Variants in PKNOX2 observed in about 807,000 individuals in gnomAD.
The protein encoded by PKNOX2 is homeobox protein PKNOX2.
A neutral mutation model predicts 53.1 loss-of-function variants in PKNOX2; 14 were observed. The observed-to-expected ratio is 0.26, with a 90% CI of 0.17 to 0.41. The LOEUF is 0.41. PKNOX2 is among the 10% of genes least tolerant of loss of function. PKNOX2 has a pLI of 1.00. For missense variants in PKNOX2, 496 were observed against 602.8 expected (o/e 0.82, Z 1.85); for synonymous variants, 257 against 242.8 (o/e 1.06, Z -0.54).
At chr11:125,257,002 G>T (rs1409197150) in intron 2 of PKNOX2, among the ~76,000 whole-genome samples, 1 of 142,544 alleles carries the variant, frequency 7.0e-6, no homozygotes, top group African/African-American at 2.4e-5. Flanking sequence ...GCTAATCTGT[G>T]TAGGGTTTTT....
intron 3 of PKNOX2, among the ~76,000 whole-genome samples, chr11:125,349,837 TCACA>T (rs60332384): frequency 0.016 from 2,251 of 138,080 alleles, 32 homozygotes; most frequent in Middle Eastern, 0.036. Context: ...ACCAAAAGAA[TCACA>T]CACACACACA....
At chr11:125,364,519 C>T (rs190866639) in intron 4 of PKNOX2, among the ~76,000 whole-genome samples, 1 of 152,292 alleles carries the variant, frequency 6.6e-6, no homozygotes, top group Non-Finnish European at 1.5e-5. Context: ...CCTCTTCATC[C>T]CAAGAGCTCA....
intron 5 of PKNOX2, among the ~76,000 whole-genome samples, chr11:125,372,787 T>C (rs1952627281): frequency 6.6e-6 from 1 of 152,242 alleles, no homozygotes; most frequent in African/African-American, 2.4e-5. Flanking sequence ...AATCTTGCAC[T>C]TTCCACACCA....
chr11:125,353,316 C>T (rs921093519), intron 4 of PKNOX2, among the ~76,000 whole-genome samples: 12 of 152,354 alleles, frequency 7.9e-5, no homozygotes, highest in Admixed American at 3.9e-4. Context: ...TCCCTCTCAC[C>T]CACCCCTCCC....
intron 7 of PKNOX2, among the ~76,000 whole-genome samples, chr11:125,400,817 C>A (rs879541259): frequency 1.3e-5 from 2 of 152,198 alleles, no homozygotes; most frequent in Admixed American, 6.5e-5. Context: ...CTGTGTTCAT[C>A]TCATTTTCCT....
intron 2 of PKNOX2, among the ~76,000 whole-genome samples, chr11:125,308,544 TAC>T (rs1459455881): frequency 6.6e-6 from 1 of 152,194 alleles, no homozygotes; most frequent in Non-Finnish European, 1.5e-5. Flanking sequence ...CCAGATTTAT[TAC>T]ACCAGCAAAG....
chr11:125,399,126 G>T (rs1361383715), intron 7 of PKNOX2, among the ~76,000 whole-genome samples: 1 of 152,224 alleles, frequency 6.6e-6, no homozygotes, highest in Non-Finnish European at 1.5e-5. Context: ...GATACACTCG[G>T]TATCACATCC....
At chr11:125,369,423 T>C (rs1952399193) in intron 5 of PKNOX2, among the ~76,000 whole-genome samples, 1 of 152,216 alleles carries the variant, frequency 6.6e-6, no homozygotes, top group Non-Finnish European at 1.5e-5. Flanking sequence ...TGGACCTCCT[T>C]CCCTCTGCCC....
chr11:125,369,127 A>G (rs1952374030), intron 5 of PKNOX2, among the ~76,000 whole-genome samples: 2 of 152,212 alleles, frequency 1.3e-5, no homozygotes, highest in African/African-American at 4.8e-5. Context: ...TCTCATTCTC[A>G]TCGGCATTAT....
At chr11:125,344,022 A>T (rs901730128) in intron 3 of PKNOX2, among the ~76,000 whole-genome samples, 1 of 152,092 alleles carries the variant, frequency 6.6e-6, no homozygotes, top group African/African-American at 2.4e-5. Context: ...TCCATGGAGG[A>T]GGGAGCGGCT....
chr11:125,286,620 G>A (rs1946917238), intron 2 of PKNOX2, among the ~76,000 whole-genome samples: 1 of 152,224 alleles, frequency 6.6e-6, no homozygotes, highest in Non-Finnish European at 1.5e-5. Flanking sequence ...GCCAGGCCTG[G>A]TGTCGCCTGC....
intron 10 of PKNOX2, among the ~76,000 whole-genome samples, chr11:125,416,297 C>G (rs566252307): frequency 1.1e-5 from 1 of 92,158 alleles, no homozygotes; most frequent in Non-Finnish European, 2.0e-5. Context: ...AGCGAGACGC[C>G]GTCTCAAAAA....
chr11:125,332,463 A>C (rs1950198318), intron 3 of PKNOX2, among the ~76,000 whole-genome samples: 1 of 152,204 alleles, frequency 6.6e-6, no homozygotes, highest in African/African-American at 2.4e-5. Context: ...TGAATGTATA[A>C]AGCATTTTGA....
At chr11:125,239,048 G>A (rs891928447) in intron 2 of PKNOX2, among the ~76,000 whole-genome samples, 2 of 152,110 alleles carry the variant, frequency 1.3e-5, no homozygotes, top group African/African-American at 2.4e-5. Context: ...CACACAATAG[G>A]TACTCACTAA....
At chr11:125,241,766 A>G (rs889924801) in intron 2 of PKNOX2, among the ~76,000 whole-genome samples, 2 of 152,180 alleles carry the variant, frequency 1.3e-5, no homozygotes, top group African/African-American at 4.8e-5. Context: ...GAGGCAGGAG[A>G]ATTGCTTGAA....
chr11:125,245,014 G>A (rs1278102870), intron 2 of PKNOX2, among the ~76,000 whole-genome samples: 2 of 152,144 alleles, frequency 1.3e-5, no homozygotes, highest in African/African-American at 2.4e-5. Context: ...TACCTGCAGA[G>A]GCAGGAGAAG....
At chr11:125,221,948 G>A (rs1941194084) in intron 1 of PKNOX2, among the ~76,000 whole-genome samples, 1 of 152,236 alleles carries the variant, frequency 6.6e-6, no homozygotes, top group African/African-American at 2.4e-5. Flanking sequence ...ACCTGAGGCA[G>A]AGACCTAACA....
chr11:125,195,861 C>A (rs1937612775), intron 1 of PKNOX2, among the ~76,000 whole-genome samples: 1 of 149,170 alleles, frequency 6.7e-6, no homozygotes, highest in Non-Finnish European at 1.5e-5. Context: ...ATGATGAATT[C>A]TCTCCCAAGG....
rs139191564 is a variant in PKNOX2 at position 125,383,943 on chromosome 11, A to C, written c.228-1608A>C. Reference sequence around the variant, plus strand: ...AAATGGGACTACATCAAAAAACAAAAAAAACAAAACAAAACAAAACAAAAA... The same window carrying C: ...AAATGGGACTACATCAAAAAACAAACAAAACAAAACAAAACAAAACAAAAA... On this transcript the variant is annotated intron_variant, in intron 5 of 12. Transcript: ENST00000298282. Among the ~76,000 whole-genome samples the C allele has an allele frequency of 8.6e-3, 1,311 of 152,192 alleles. 16 individuals carry two copies. The highest frequency in any genetic ancestry group is 0.026 in the African/African-American group (1,085 of 41,488).
Sources: allele counts gnomAD v4.1 joint callset (sites outside exome capture counted in the v4.1 genomes callset), GRCh38; gene constraint gnomAD v4.1.1; transcripts MANE v1.5; gene names NCBI Gene and HGNC (gene_info 2026-07-23, HGNC 2026-07-21).